Variants in BCHE observed in about 807,000 individuals in gnomAD.
BCHE encodes the protein cholinesterase.
Under a neutral mutation model 51.3 loss-of-function variants are expected in BCHE, and 48 were observed. The observed-to-expected ratio is 0.94, with a 90% CI of 0.74 to 1.19. The LOEUF (loss-of-function observed/expected upper bound fraction) is 1.19, where lower values mean the gene tolerates loss of function less well. Ranked by LOEUF, BCHE falls within the 50% of genes most tolerant of loss-of-function variation. The probability of loss-of-function intolerance (pLI) is 0.00; values close to 1 mark genes in which losing one functional copy is unlikely to be tolerated. For synonymous variants in BCHE, 251 were observed against 238.0 expected (o/e 1.05, Z -0.50); for missense variants, 847 against 708.2 (o/e 1.20, Z -2.23).
chr3:165,791,270 G>C (rs569552786), intron 2 of BCHE, among the ~76,000 whole-genome samples: 22 of 151,956 alleles, frequency 1.4e-4, no homozygotes, highest in Non-Finnish European at 2.9e-4. Flanking sequence ...ACTGCAGACT[G>C]GGTGACAGAG....
At chr3:165,788,513 CTTTT>C (rs903566578) in intron 2 of BCHE, among the ~76,000 whole-genome samples, 2 of 152,012 alleles carry the variant, frequency 1.3e-5, no homozygotes, top group Admixed American at 6.6e-5. Context: ...ATTATGTAGT[CTTTT>C]TTCTTTCTTT....
At chr3:165,800,945 G>A (rs997090577) in intron 2 of BCHE, among the ~76,000 whole-genome samples, 1 of 152,082 alleles carries the variant, frequency 6.6e-6, no homozygotes, top group Non-Finnish European at 1.5e-5. Flanking sequence ...GAAAATATAA[G>A]CAGGATAACC....
In BCHE at chr3:165,830,465, G is replaced by T. The variant is rs960952225; in HGVS notation, c.569C>A (p.Ala190Asp). The T allele has an allele frequency of 1.2e-6, 2 of 1,613,558 alleles. No individual in the cohort carries two copies. Among genetic ancestry groups the T allele is most frequent in the African/African-American group, 1.3e-5 (1 of 74,854 alleles). Residue 190 changes from alanine (A) to aspartate (D), a missense_variant, in exon 2 of 4, where the codon GCT (alanine) becomes GAT (aspartate). Physicochemically the swap from Ala to Asp is moderately radical, Grantham distance 126. Coordinates refer to ENST00000264381, the MANE Select transcript of BCHE (RefSeq NM_000055.4). Reference sequence around the variant, plus strand: ...ATCAAATAAACCCATGTTCCCTGGAGCCTCAGGATTTCCTGGCAAAGCTAA... The same window carrying T: ...ATCAAATAAACCCATGTTCCCTGGATCCTCAGGATTTCCTGGCAAAGCTAA... ...GFLALPGNPE[A>D]PGNMGLFDQQ...
intron 1 of BCHE, among the ~76,000 whole-genome samples, chr3:165,831,465 A>G (rs1714986582): frequency 6.6e-6 from 1 of 152,208 alleles, no homozygotes; most frequent in African/African-American, 2.4e-5. Flanking sequence ...TCTCTGAAAT[A>G]TCATGACTGG....
At chr3:165,797,853 A>G (rs925269559) in intron 2 of BCHE, among the ~76,000 whole-genome samples, 52 of 152,324 alleles carry the variant, frequency 3.4e-4, no homozygotes, top group African/African-American at 1.3e-3. Flanking sequence ...AAATAGCTTG[A>G]TTTTAAATGC....
At chr3:165,781,722 C>T (rs1202038260) in intron 3 of BCHE, among the ~76,000 whole-genome samples, 7 of 150,792 alleles carry the variant, frequency 4.6e-5, no homozygotes, top group Admixed American at 6.6e-5. Flanking sequence ...CAAACCTGCA[C>T]GTTCTACACA....
At position 165,773,039 on chromosome 3, in the gene BCHE, G is replaced by A. The variant is rs1030063230; in HGVS notation, c.*343C>T. 3.7e-5 allele frequency: 7 copies of A among 187,390 alleles called. No individual in the cohort carries two copies. The highest frequency in any genetic ancestry group is 2.3e-3 in the Middle Eastern group (1 of 434). 11.6% of individuals were successfully genotyped at this position (187,390 alleles called of 1,614,324 possible). ...TAAAAAAGATACCTTTTTACGAGTG[G>A]TAATGAAAATACACGTGACTAAAAG... On this transcript the variant is annotated 3_prime_UTR_variant, in exon 4 of 4. Transcript: ENST00000264381.
chr3:165,781,999 A>G (rs1030742598), intron 3 of BCHE, among the ~76,000 whole-genome samples: 1 of 152,172 alleles, frequency 6.6e-6, no homozygotes, highest in African/African-American at 2.4e-5. Flanking sequence ...TTCCTTGGAA[A>G]AATGATAGTA....
At chr3:165,834,997 A>G (rs989334055) in intron 1 of BCHE, among the ~76,000 whole-genome samples, 1 of 151,892 alleles carries the variant, frequency 6.6e-6, no homozygotes, top group Non-Finnish European at 1.5e-5. Context: ...GCTTATCAAA[A>G]TAGTATTTAA....
chr3:165,833,388 T>G (rs2108237976), intron 1 of BCHE, among the ~76,000 whole-genome samples: 1 of 152,226 alleles, frequency 6.6e-6, no homozygotes, highest in African/African-American at 2.4e-5. Flanking sequence ...ACCACACCTT[T>G]AGGCTATATG....
chr3:165,775,595 TATAG>T lies in BCHE; in HGVS notation c.1685-2093_1685-2090del, dbSNP rs796932297. 1.2e-4 allele frequency among the ~76,000 whole-genome samples: 18 copies of T among 151,848 alleles called. 1 individual carries two copies. The South Asian group carries it at 3.3e-3, about 28-fold the overall frequency. On this transcript the variant is annotated intron_variant, in intron 3 of 3. Coordinates refer to ENST00000264381, the MANE Select transcript of BCHE (RefSeq NM_000055.4). ...AATTTAGACCATGAATTTTAATCCT[TATAG>T]AAAGAGTCCTAGATCTGATTTTCCT...
chr3:165,809,952 C>T (rs79247058), intron 2 of BCHE, among the ~76,000 whole-genome samples: 2,612 of 152,136 alleles, frequency 0.017, 28 homozygotes, highest in Non-Finnish European at 0.027. Context: ...TCCACTCTTT[C>T]GTTAGTATTT....
At chr3:165,797,510 T>C (rs1713464365) in intron 2 of BCHE, among the ~76,000 whole-genome samples, 1 of 151,614 alleles carries the variant, frequency 6.6e-6, no homozygotes, top group Admixed American at 6.6e-5. Context: ...CTGTTATCAT[T>C]TGAATGCGAT....
intron 2 of BCHE, among the ~76,000 whole-genome samples, chr3:165,791,177 C>A (rs141924100): frequency 1.7e-3 from 259 of 151,850 alleles, no homozygotes; most frequent in African/African-American, 6.1e-3. Flanking sequence ...CACCTGTAAT[C>A]CCAGCTACTC....
chr3:165,787,189 A>G (rs1712987411), intron 2 of BCHE, among the ~76,000 whole-genome samples: 1 of 151,822 alleles, frequency 6.6e-6, no homozygotes, highest in Non-Finnish European at 1.5e-5. Context: ...TATCTTTTCA[A>G]TATCTACAGT....
rs1712946329 is a variant in BCHE at position 165,786,249 on chromosome 3, T to A, written c.1580A>T (p.Lys527Ile). 1 of 1,612,124 alleles carries A rather than the reference T, an allele frequency of 6.2e-7. No homozygotes were observed. The highest frequency in any genetic ancestry group is 1.7e-5 in the Admixed American group (1 of 59,850). ...SWPVFKSTEQ[K>I]YLTLNTESTR... ...TGACTCTGTATTCAAGGTTAGATAT[T>A]TTTGTTCAGTGCTTTTGAAGACAGG... Residue 527 changes from lysine (K) to isoleucine (I), a missense_variant, in exon 3 of 4, where the codon AAA becomes ATA. Transcript: ENST00000264381.
chr3:165,837,419 G>C lies in BCHE; in HGVS notation c.-114C>G. The C allele has an allele frequency of 7.8e-7, 1 of 1,289,452 alleles. No individual in the cohort carries two copies. Among genetic ancestry groups the C allele is most frequent in the South Asian group, 1.2e-5 (1 of 81,032 alleles). The allele number at this position is 1,289,452 out of a possible 1,614,324, so 79.9% of individuals were successfully genotyped here. A position where few individuals can be genotyped will look rare whatever the true frequency, so the allele number is the denominator to read the frequency against. On this transcript the variant is annotated 5_prime_UTR_variant, in exon 1 of 4. Coordinates refer to ENST00000264381, the MANE Select transcript of BCHE (RefSeq NM_000055.4). ...GCTGCTCCAGCCTGTAAATTGGACT[G>C]CACTGACATTCAGTGTTACTGAATG...
At chr3:165,777,014 T>G (rs1553773304) in intron 3 of BCHE, among the ~76,000 whole-genome samples, 1 of 151,398 alleles carries the variant, frequency 6.6e-6, no homozygotes, top group Non-Finnish European at 1.5e-5. Context: ...ATAGCAGAAA[T>G]GTAAATAAAA....
At chr3:165,804,769 A>G (rs1253407316) in intron 2 of BCHE, among the ~76,000 whole-genome samples, 2 of 152,224 alleles carry the variant, frequency 1.3e-5, no homozygotes, top group African/African-American at 2.4e-5. Context: ...CATTAATGCC[A>G]GGCAACATTA....
Sources: allele counts gnomAD v4.1 joint callset (sites outside exome capture counted in the v4.1 genomes callset), GRCh38; gene constraint gnomAD v4.1.1; transcripts MANE v1.5; gene names NCBI Gene and HGNC (gene_info 2026-07-23, HGNC 2026-07-21).